The following RAI1 variants were observed in gnomAD, a reference collection of about 807,000 sequenced individuals.
RAI1 encodes the protein retinoic acid induced 1, also known as retinoic acid-induced protein 1.
A neutral mutation model predicts 123.8 loss-of-function variants in RAI1; 9 were observed. The observed-to-expected ratio is 0.07, with a 90% CI of 0.04 to 0.13. The LOEUF (loss-of-function observed/expected upper bound fraction) is 0.13. Ranked by LOEUF, RAI1 falls within the 10% of genes least tolerant of loss-of-function variation. The probability of loss-of-function intolerance (pLI) is 1.00; values close to 1 mark genes in which losing one functional copy is unlikely to be tolerated. For synonymous variants in RAI1, 1,231 were observed against 1,127.3 expected, an observed-to-expected ratio of 1.09 and a Z score of -1.84; for missense variants, 2,256 against 2,545.8, an observed-to-expected ratio of 0.89 and a Z score of 2.45.
Position 17,802,083 on chromosome 17 carries a change from C to T in RAI1, c.5566-1673C>T, listed in dbSNP as rs1472345487. On this transcript the variant is annotated intron_variant, in intron 3 of 5. Coordinates refer to ENST00000353383, the MANE Select transcript of RAI1 (RefSeq NM_030665.4). ...CTGGCGCCTGGTGACTTCTCCCTCC[C>T]CGGCCTCAGGTTTGCTTCACTCTTC... 6.4e-6 allele frequency: 3 copies of T among 470,902 alleles called. No individual in the cohort carries two copies. The East Asian group carries it at 2.1e-4, about 33-fold the overall frequency. The allele number at this position is 470,902 out of a possible 1,614,324, so 29.2% of individuals were successfully genotyped here.
At chr17:17,734,862 A>G (rs781219757) in intron 2 of RAI1, among the ~76,000 whole-genome samples, 1 of 152,188 alleles carries the variant, frequency 6.6e-6, no homozygotes, top group Non-Finnish European at 1.5e-5. Context: ...CTCGCCCTCC[A>G]CAAAGCTATT....
At chr17:17,709,911 G>C (rs959450486) in intron 1 of RAI1, among the ~76,000 whole-genome samples, 3 of 152,332 alleles carry the variant, frequency 2.0e-5, no homozygotes, top group Middle Eastern at 3.4e-3. Context: ...CTGCACAGCA[G>C]ACAGGCGTGC....
chr17:17,710,243 AAAG>A (rs1376406465), intron 1 of RAI1, among the ~76,000 whole-genome samples: 1 of 152,098 alleles, frequency 6.6e-6, no homozygotes, highest in Non-Finnish European at 1.5e-5. Context: ...AGCCACAAAA[AAAG>A]AGCATTTCAA....
intron 2 of RAI1, among the ~76,000 whole-genome samples, chr17:17,744,656 GGT>G (rs1916757265): frequency 6.6e-6 from 1 of 151,930 alleles, no homozygotes; most frequent in Non-Finnish European, 1.5e-5. Flanking sequence ...CGGGCGTGAT[GGT>G]GCGCACCTGT....
intron 2 of RAI1, among the ~76,000 whole-genome samples, chr17:17,762,797 C>T (rs919506118): frequency 6.6e-6 from 1 of 152,130 alleles, no homozygotes; most frequent in Non-Finnish European, 1.5e-5. Context: ...CCTGTTCACT[C>T]CTTCATGCAC....
rs2032468884 is a variant in RAI1 at position 17,801,749 on chromosome 17, A to T, written c.5566-2007A>T. Among the ~76,000 whole-genome samples, 1 of 152,116 alleles carries T rather than the reference A, an allele frequency of 6.6e-6. No homozygotes were observed. Among genetic ancestry groups the T allele is most frequent in the Admixed American group, 6.5e-5 (1 of 15,278 alleles). ...ACATTTCTCAGCTGCTGTGGTTGGG[A>T]TGGTGCGCCCACCCTGAGCATGTGG... is the stretch of plus-strand genomic sequence containing the variant. On this transcript the variant is annotated intron_variant, in intron 3 of 5. Transcript: ENST00000353383. The surrounding 1 kb of genome is among the most constrained non-coding windows in gnomAD (Gnocchi z 4.1).
At position 17,795,922 on chromosome 17, in the gene RAI1, G is replaced by C. The variant is rs1156855257; in HGVS notation, c.2974G>C (p.Val992Leu). The part of the protein sequence containing the change: ...PEAPIAKKEP[V>L]PRGKSLRSRR... ...GGCGCCCATCGCAAAGAAAGAGCCT[G>C]TGCCACGGGGCAAAAGCTTACGGAG... The change falls in exon 3 of 6, where the codon GTG becomes CTG. Residue 992 changes from valine to leucine, a missense_variant. Coordinates refer to ENST00000353383, the MANE Select transcript of RAI1 (RefSeq NM_030665.4). This position sits in a 1 kb window ranked among gnomAD's most constrained non-coding sequence, Gnocchi z 5.9. 1.2e-6 allele frequency: 2 copies of C among 1,609,866 alleles called. No homozygotes were observed. Among genetic ancestry groups the C allele is most frequent in the East Asian group, 2.2e-5 (1 of 44,856 alleles).
At chr17:17,771,956 C>G (rs926594254) in intron 2 of RAI1, among the ~76,000 whole-genome samples, 3 of 152,228 alleles carry the variant, frequency 2.0e-5, no homozygotes, top group African/African-American at 7.2e-5. Flanking sequence ...CAGGCTGGCA[C>G]AGGCATTAAC....
At chr17:17,688,203 G>A (rs1312885355) in intron 1 of RAI1, among the ~76,000 whole-genome samples, 2 of 151,792 alleles carry the variant, frequency 1.3e-5, no homozygotes, top group Non-Finnish European at 2.9e-5. Flanking sequence ...GAGGATAATA[G>A]GCAGGGCGCG....
chr17:17,750,928 G>C (rs539758641), intron 2 of RAI1, among the ~76,000 whole-genome samples: 1 of 152,186 alleles, frequency 6.6e-6, no homozygotes, highest in Non-Finnish European at 1.5e-5. Flanking sequence ...CTGAGGGTCT[G>C]GGCCAGGGCT....
intron 2 of RAI1, among the ~76,000 whole-genome samples, chr17:17,727,625 G>A (rs1916137304): frequency 6.6e-6 from 1 of 152,174 alleles, no homozygotes; most frequent in African/African-American, 2.4e-5. Context: ...ACAAAAAGCT[G>A]AGGATCCAAA....
chr17:17,682,971 C>T (rs960912093), intron 1 of RAI1, among the ~76,000 whole-genome samples: 3 of 152,132 alleles, frequency 2.0e-5, no homozygotes, highest in Non-Finnish European at 2.9e-5. Flanking sequence ...CTGCTCCGCG[C>T]GCCGCACACT....
At chr17:17,767,945 C>T (rs2031005040) in intron 2 of RAI1, among the ~76,000 whole-genome samples, 1 of 152,198 alleles carries the variant, frequency 6.6e-6, no homozygotes, top group Non-Finnish European at 1.5e-5. Flanking sequence ...ATCTCGTGAT[C>T]CTGGGCAAAT....
In RAI1 at chr17:17,809,881, G is replaced by T; in HGVS notation, c.5710-89G>T. ...CGCTCTGGGGTCGCCTGGGTCTGGG[G>T]CTTAGGCGGGGGGCCCACACTGGGG... On this transcript the variant is annotated intron_variant, in intron 5 of 5. Transcript: ENST00000353383. The surrounding 1 kb of genome is among the most constrained non-coding windows in gnomAD (Gnocchi z 4.9). 2.6e-6 allele frequency: 4 copies of T among 1,540,118 alleles called. No individual in the cohort carries two copies. Among genetic ancestry groups the T allele is most frequent in the Non-Finnish European group, 3.5e-6 (4 of 1,140,236 alleles).
rs1915640771 is a variant in RAI1, at chr17:17,714,003, C to G, written c.-148-10025C>G. On this transcript the variant is annotated intron_variant, in intron 1 of 5. Transcript: ENST00000353383. The surrounding 1 kb of genome is among the most constrained non-coding windows in gnomAD (Gnocchi z 4.9). The stretch of plus-strand genomic sequence containing the variant: ...CACAGGACCAGAGATCCCAGCGGCC[C>G]TCCCCTGGAGAGTGTCCCAGCCGCC... Among the ~76,000 whole-genome samples, 1 of 152,112 alleles carries G rather than the reference C, an allele frequency of 6.6e-6. No individual in the cohort carries two copies. Among genetic ancestry groups the G allele is most frequent in the Admixed American group, 6.5e-5 (1 of 15,276 alleles).
At chr17:17,750,991 G>A (rs1017790622) in intron 2 of RAI1, among the ~76,000 whole-genome samples, 1 of 152,200 alleles carries the variant, frequency 6.6e-6, no homozygotes, top group Non-Finnish European at 1.5e-5. Context: ...GTTTCCTTCC[G>A]CCTTCCACAG....
At chr17:17,720,704 T>C (rs1239638066) in intron 1 of RAI1, among the ~76,000 whole-genome samples, 1 of 152,228 alleles carries the variant, frequency 6.6e-6, no homozygotes, top group East Asian at 1.9e-4. Flanking sequence ...GCTGTGGTCT[T>C]GGCAAGTTCT....
intron 2 of RAI1, among the ~76,000 whole-genome samples, chr17:17,779,937 G>A (rs1327942981): frequency 3.3e-5 from 5 of 151,464 alleles, no homozygotes; most frequent in Admixed American, 6.6e-5. Context: ...CACCTCGCCC[G>A]GCTAATTTTT....
intron 4 of RAI1, 155 bp downstream of exon 4, chr17:17,804,004 T>TCTAGGC: frequency 6.3e-6 from 5 of 798,304 alleles, no homozygotes; most frequent in Non-Finnish European, 1.1e-5. Flanking sequence ...TCTGTCTGCC[T>TCTAGGC]AGACCTCTGC....
Sources: allele counts gnomAD v4.1 joint callset (sites outside exome capture counted in the v4.1 genomes callset), GRCh38; gene constraint gnomAD v4.1.1; non-coding constraint Gnocchi (gnomAD v3.1); transcripts MANE v1.5; gene names NCBI Gene and HGNC (gene_info 2026-07-23, HGNC 2026-07-21).